Variants in ARHGAP27 observed in about 807,000 individuals in gnomAD.
The protein encoded by ARHGAP27 is Rho GTPase activating protein 27.
In ARHGAP27, 53 loss-of-function variants were observed where a neutral mutation model predicts 102.0. That is an observed-to-expected ratio of 0.52 (90% CI 0.42 to 0.65). The LOEUF is 0.65. Among genes scored for constraint, ARHGAP27 ranks in the 30% least tolerant of loss-of-function variants. The pLI is 0.00. For missense variants in ARHGAP27, 1,117 were observed against 1,256.2 expected (o/e 0.89, Z 1.68); for synonymous variants, 525 against 542.8 (o/e 0.97, Z 0.46).
intron 12 of ARHGAP27, 146 bp downstream of exon 12, chr17:45,402,568 T>C: frequency 1.4e-6 from 1 of 705,756 alleles, no homozygotes; most frequent in Non-Finnish European, 2.3e-6. Context: ...CTACCTCTAT[T>C]AATACAGCCA....
intron 5 of ARHGAP27, among the ~76,000 whole-genome samples, chr17:45,405,390 G>A (rs1266124536): frequency 6.6e-6 from 1 of 150,776 alleles, no homozygotes; most frequent in Non-Finnish European, 1.5e-5. Flanking sequence ...GCGCTTAGAG[G>A]TAGCCCCACC....
intron 4 of ARHGAP27, 45 bp downstream of exon 4, chr17:45,429,578 C>T: frequency 6.3e-7 from 1 of 1,577,010 alleles, no homozygotes; most frequent in Non-Finnish European, 8.6e-7. Flanking sequence ...GGGCGCGGTC[C>T]CTAGCGCGCC....
In ARHGAP27 at chr17:45,404,634, T is replaced by C. The variant is rs920479608; in HGVS notation, c.1296A>G (p.Pro432=). 3.1e-6 allele frequency: 5 copies of C among 1,613,488 alleles called. No individual in the cohort carries two copies. Among genetic ancestry groups the C allele is most frequent in the Non-Finnish European group, 8.5e-7 (1 of 1,179,866 alleles). ...DPHGKPYFYN[P]EDSSVRWELP... ...GCTCCCATCGAACAGAGGAGTCCTC[T>C]GGATTGTAGAAGTATGGCTTCCCGT... The change falls in exon 7 of 20, where the codon CCA becomes CCG. Residue 432 remains proline, a synonymous_variant. Coordinates refer to ENST00000685559, the MANE Select transcript of ARHGAP27 (RefSeq NM_001282290.2).
In ARHGAP27 at chr17:45,395,295, AG is replaced by A. The variant is rs1044390565; in HGVS notation, c.*160del. ...AATCACATTTTGCAAACTGCCCACT[AG>A]GGGTCACCGTACCCTCAGAACCGAG... On this transcript the variant is annotated 3_prime_UTR_variant, in exon 20 of 20. Coordinates refer to ENST00000685559, the MANE Select transcript of ARHGAP27 (RefSeq NM_001282290.2). 2.5e-5 allele frequency: 22 copies of A among 877,962 alleles called. No individual in the cohort carries two copies. The highest frequency in any genetic ancestry group is 3.7e-5 in the Non-Finnish European group (22 of 592,952). 54.4% of individuals were successfully genotyped at this position (877,962 alleles called of 1,614,324 possible).
chr17:45,395,722 C>G (rs1157503141), intron 19 of ARHGAP27, 22 bp downstream of exon 19: 4 of 1,575,760 alleles, frequency 2.5e-6, no homozygotes, highest in Non-Finnish European at 3.4e-6. Flanking sequence ...CTCCCCCTTC[C>G]CGCGCGGGCC....
intron 4 of ARHGAP27, among the ~76,000 whole-genome samples, chr17:45,418,653 C>T (rs2048720626): frequency 2.0e-5 from 3 of 152,098 alleles, no homozygotes; most frequent in Admixed American, 2.0e-4. Context: ...CTGCCAACTG[C>T]GACCTGCTAC....
rs768349433 is a variant in ARHGAP27, at chr17:45,404,343, G to A, written c.1414-9C>T. 4 of 1,613,888 alleles carry A rather than the reference G, an allele frequency of 2.5e-6. No homozygotes were observed. The highest frequency in any genetic ancestry group is 3.4e-6 in the Non-Finnish European group (4 of 1,179,924). On this transcript the variant is annotated splice_polypyrimidine_tract_variant and intron_variant, in intron 8 of 19. Transcript: ENST00000685559. ...TCCAGCTCTGCTGGGACCTATGGGG[G>A]AAGACAGATAGATCCCACCAAGTCC...
chr17:45,404,489 G>C lies in ARHGAP27; in HGVS notation c.1369C>G (p.Gln457Glu). The C allele has an allele frequency of 3.1e-6, 5 of 1,613,694 alleles. No homozygotes were observed. The African/African-American group carries it at 4.0e-5, about 13-fold the overall frequency. Residue 457 changes from glutamine to glutamate, a missense_variant, in exon 8 of 20, where the codon CAG (glutamine) becomes GAG (glutamate). Gln to Glu is a conservative substitution (Grantham distance 29). Coordinates refer to ENST00000685559, the MANE Select transcript of ARHGAP27 (RefSeq NM_001282290.2). The part of the protein sequence containing the change: ...PAPRSIHKSS[Q>E]DGDTPAQASP... ...GCCTGGGCTGGGGTGTCACCATCCT[G>C]GCTGGATTTATGGATGCTTCGAGGG...
intron 4 of ARHGAP27, among the ~76,000 whole-genome samples, chr17:45,411,394 A>C (rs2047892817): frequency 6.7e-6 from 1 of 149,494 alleles, no homozygotes; most frequent in African/African-American, 2.5e-5. Flanking sequence ...TCTGACCCCC[A>C]CCCTTCCACT....
In ARHGAP27 at chr17:45,404,036, G is replaced by A. The variant is rs772507085; in HGVS notation, c.1540C>T (p.Arg514Trp). The change falls in exon 10 of 20, where the codon CGG becomes TGG. Residue 514 changes from arginine (R) to tryptophan (W), a missense_variant. Arg to Trp is a moderately radical substitution (Grantham distance 101, BLOSUM62 -3). Transcript: ENST00000685559. ...HRTKTADKGK[R>W]LRKKHWSASW... Reference sequence around the variant, plus strand: ...GTGTAGATGGGCTCTCACCGGAGCCGCTTTCCCTTGTCTGCCGTCTTGGTG... The same window carrying A: ...GTGTAGATGGGCTCTCACCGGAGCCACTTTCCCTTGTCTGCCGTCTTGGTG... 14 of 1,613,718 alleles carry A rather than the reference G, an allele frequency of 8.7e-6. No individual in the cohort carries two copies. Among genetic ancestry groups the A allele is most frequent in the East Asian group, 6.7e-5 (3 of 44,860 alleles).
chr17:45,409,956 C>T (rs2047703682), intron 4 of ARHGAP27: 1 of 452,796 alleles, frequency 2.2e-6, no homozygotes, highest in Non-Finnish European at 3.9e-6. Context: ...ACCTGGCTCT[C>T]AGGCTCCAGG....
In ARHGAP27 at chr17:45,430,370, G is replaced by A. The variant is rs2049970213; in HGVS notation, c.-18-73C>T. Reference sequence around the variant, plus strand: ...TGGAATAGCCCCGCACTCGGGGACAGACTTGGGTTCGAGTCCCGATCCTGC... The same window carrying A: ...TGGAATAGCCCCGCACTCGGGGACAAACTTGGGTTCGAGTCCCGATCCTGC... On this transcript the variant is annotated intron_variant, in intron 3 of 19. Transcript: ENST00000685559. The surrounding 1 kb of genome is among the most constrained non-coding windows in gnomAD (Gnocchi z 4.4). The A allele has an allele frequency of 1.3e-6, 2 of 1,481,796 alleles. No individual in the cohort carries two copies. Among genetic ancestry groups the A allele is most frequent in the South Asian group, 2.6e-5 (2 of 76,266 alleles). 91.8% of individuals were successfully genotyped at this position (1,481,796 alleles called of 1,614,324 possible).
chr17:45,397,210 C>G (rs1196926813), intron 13 of ARHGAP27, 186 bp from the exon 14 acceptor site: 11 of 1,431,412 alleles, frequency 7.7e-6, no homozygotes, highest in Non-Finnish European at 1.0e-5. Flanking sequence ...ACATTCACCT[C>G]CCTTAGCTGC....
intron 5 of ARHGAP27, among the ~76,000 whole-genome samples, 167 bp from the exon 6 acceptor site, chr17:45,405,273 C>A (rs1163763907): frequency 2.0e-5 from 3 of 151,734 alleles, no homozygotes; most frequent in Non-Finnish European, 4.4e-5. Flanking sequence ...ACCCTCTGGT[C>A]CCTGGGGCTG....
chr17:45,425,342 C>T (rs573423378), intron 4 of ARHGAP27, among the ~76,000 whole-genome samples: 1 of 152,106 alleles, frequency 6.6e-6, no homozygotes, highest in African/African-American at 2.4e-5. Context: ...GTCCCCCTAG[C>T]TGGCCCCGAA....
chr17:45,417,388 C>T (rs1034792960), intron 4 of ARHGAP27, among the ~76,000 whole-genome samples: 7 of 151,704 alleles, frequency 4.6e-5, no homozygotes, highest in South Asian at 2.1e-4. Flanking sequence ...CACTTGAACC[C>T]GGGAGGCAGA....
intron 4 of ARHGAP27, among the ~76,000 whole-genome samples, chr17:45,414,836 C>T (rs1244424155): frequency 1.2e-5 from 1 of 81,640 alleles, no homozygotes; most frequent in Non-Finnish European, 2.5e-5. Flanking sequence ...GCAGGTGGAT[C>T]GCTTGAGGTC....
chr17:45,413,709 G>A (rs151309263), intron 4 of ARHGAP27, among the ~76,000 whole-genome samples: 1 of 152,226 alleles, frequency 6.6e-6, no homozygotes, highest in Non-Finnish European at 1.5e-5. Flanking sequence ...TCCAGGGCGG[G>A]GTGGGAGCTG....
At chr17:45,429,432 C>T (rs1412050321) in intron 4 of ARHGAP27, 191 bp downstream of exon 4, 9 of 1,413,752 alleles carry the variant, frequency 6.4e-6, no homozygotes, top group South Asian at 1.5e-5. Context: ...TTGGGAATTG[C>T]TGATGAGGGA....
Sources: allele counts gnomAD v4.1 joint callset (sites outside exome capture counted in the v4.1 genomes callset), GRCh38; gene constraint gnomAD v4.1.1; non-coding constraint Gnocchi (gnomAD v3.1); transcripts MANE v1.5; gene names NCBI Gene and HGNC (gene_info 2026-07-23, HGNC 2026-07-21).